The following DIP2B variants were observed in gnomAD, a reference collection of about 807,000 sequenced individuals.
DIP2B encodes the protein disco-interacting protein 2 homolog B.
DIP2B carries 76 observed loss-of-function variants against 198.0 expected under a neutral mutation model. That is an observed-to-expected ratio of 0.38 (90% CI 0.32 to 0.46). The LOEUF (loss-of-function observed/expected upper bound fraction) is 0.46. Ranked by LOEUF, DIP2B falls within the 20% of genes least tolerant of loss-of-function variation. The pLI is 0.99. For synonymous variants in DIP2B, 701 were observed against 739.1 expected (o/e 0.95, Z 0.84); for missense variants, 1,559 against 1,978.4 (o/e 0.79, Z 4.02).
intron 4 of DIP2B, among the ~76,000 whole-genome samples, chr12:50,665,534 G>A (rs12578322): frequency 1.3e-5 from 2 of 152,272 alleles, no homozygotes; most frequent in East Asian, 3.9e-4. Context: ...TTTCAGCCCA[G>A]GAGTTTGAGA....
intron 1 of DIP2B, among the ~76,000 whole-genome samples, chr12:50,519,270 C>A (rs1055435566): frequency 4.6e-5 from 7 of 151,920 alleles, no homozygotes; most frequent in Non-Finnish European, 8.8e-5. Context: ...TTTCTTATTT[C>A]TTAAAATTTT....
intron 1 of DIP2B, among the ~76,000 whole-genome samples, chr12:50,574,189 A>T (rs1958638374): frequency 6.6e-6 from 1 of 152,222 alleles, no homozygotes. Flanking sequence ...AAAATCTTGA[A>T]TTATCTTATT....
intron 1 of DIP2B, among the ~76,000 whole-genome samples, chr12:50,517,078 G>A (rs567297776): frequency 3.6e-4 from 54 of 151,944 alleles, no homozygotes; most frequent in South Asian, 3.3e-3. Flanking sequence ...CACCACGCCC[G>A]GCTAATTTTT....
At chr12:50,679,622 AG>A (rs1939003276) in intron 8 of DIP2B, 1 of 152,222 alleles carries the variant, frequency 6.6e-6, no homozygotes, top group Non-Finnish European at 1.5e-5. Flanking sequence ...AGAGTGGTTG[AG>A]GGAAGGGAGT....
In DIP2B at chr12:50,714,877, G is replaced by A. The variant is rs117420467; in HGVS notation, c.2851+281G>A. ...GATGGCTTGAGCCTGGGAGGTTGCA[G>A]TAAACCGAGATTGCGCCATTGCACT... On this transcript the variant is annotated intron_variant, in intron 23 of 37. Coordinates refer to ENST00000301180, the MANE Select transcript of DIP2B (RefSeq NM_173602.3). Among the ~76,000 whole-genome samples, 9 of 152,304 alleles carry A rather than the reference G, an allele frequency of 5.9e-5. No individual in the cohort carries two copies. The East Asian group carries it at 1.5e-3, about 26-fold the overall frequency.
At chr12:50,530,162 C>T (rs532487576) in intron 1 of DIP2B, among the ~76,000 whole-genome samples, 6 of 151,936 alleles carry the variant, frequency 3.9e-5, no homozygotes, top group Non-Finnish European at 8.8e-5. Context: ...CTGCAAGCTC[C>T]GCCTCCTGGG....
chr12:50,704,452 G>A (rs1232420676), intron 20 of DIP2B, among the ~76,000 whole-genome samples: 1 of 151,754 alleles, frequency 6.6e-6, no homozygotes, highest in Non-Finnish European at 1.5e-5. Flanking sequence ...TTTTTTCCCC[G>A]CTGAGATCAG....
intron 2 of DIP2B, among the ~76,000 whole-genome samples, chr12:50,632,979 A>G (rs928064477): frequency 6.6e-6 from 1 of 151,236 alleles, no homozygotes; most frequent in African/African-American, 2.4e-5. Flanking sequence ...GGATCTCGCT[A>G]TGTTGCTCAG....
Position 50,745,648 on chromosome 12 carries a change from C to T in DIP2B, c.*809C>T. The T allele has an allele frequency of 6.6e-6, 1 of 152,608 alleles. No individual in the cohort carries two copies. Among genetic ancestry groups the T allele is most frequent in the African/African-American group, 2.4e-5 (1 of 41,446 alleles). 9.5% of individuals were successfully genotyped at this position (152,608 alleles called of 1,614,324 possible). ...TTTTTAAAGCTCGCATTCCCAGAAT[C>T]AGCTTAGGCTTCTATGAATTCAGCC... is the stretch of plus-strand genomic sequence containing the variant. On this transcript the variant is annotated 3_prime_UTR_variant, in exon 38 of 38. Transcript: ENST00000301180.
At chr12:50,593,738 CTCCT>C (rs1958845717) in intron 1 of DIP2B, among the ~76,000 whole-genome samples, 1 of 3,562 alleles carries the variant, frequency 2.8e-4, no homozygotes, top group Non-Finnish European at 4.2e-4. Flanking sequence ...CTCCTCTCCT[CTCCT>C]CTCCCCTCCC....
intron 1 of DIP2B, among the ~76,000 whole-genome samples, chr12:50,614,262 C>T (rs1233397739): frequency 6.6e-6 from 1 of 152,134 alleles, no homozygotes; most frequent in Non-Finnish European, 1.5e-5. Context: ...GTGCACTCAT[C>T]TTCTCCTCTC....
At chr12:50,631,232 G>A (rs558320546) in intron 2 of DIP2B, among the ~76,000 whole-genome samples, 25 of 134,514 alleles carry the variant, frequency 1.9e-4, no homozygotes, top group East Asian at 2.4e-4. Context: ...GGGTTCAAGC[G>A]ATTTTTTTTT....
rs1477664803 is a variant in DIP2B at position 50,732,463 on chromosome 12, A to G, written c.3908A>G (p.Lys1303Arg). 3.1e-6 allele frequency: 5 copies of G among 1,614,122 alleles called. No homozygotes were observed. Among genetic ancestry groups the G allele is most frequent in the African/African-American group, 2.7e-5 (2 of 74,942 alleles). ...ALQQSFSKLFKDIGLSPRAVS... is the reference protein window; with the variant it reads ...ALQQSFSKLFRDIGLSPRAVS... ...CAGCAGTCCTTCTCTAAGCTCTTCA[A>G]AGACATCGGGCTGTCCCCGCGGGCT... The change falls in exon 32 of 38, where the codon AAA becomes AGA. Residue 1303 changes from lysine to arginine, a missense_variant. Transcript: ENST00000301180.
intron 1 of DIP2B, among the ~76,000 whole-genome samples, chr12:50,583,190 C>T (rs148343231): frequency 8.5e-5 from 13 of 152,248 alleles, no homozygotes; most frequent in African/African-American, 2.4e-4. Flanking sequence ...TTCCTCAAAC[C>T]CACACACATG....
intron 23 of DIP2B, among the ~76,000 whole-genome samples, chr12:50,715,015 A>G (rs1314055056): frequency 1.3e-5 from 2 of 152,240 alleles, no homozygotes; most frequent in Non-Finnish European, 2.9e-5. Context: ...TTTTGGAGCT[A>G]TTGTAGAAAG....
intron 31 of DIP2B, among the ~76,000 whole-genome samples, chr12:50,731,846 A>T (rs994236866): frequency 2.6e-5 from 4 of 152,180 alleles, no homozygotes; most frequent in African/African-American, 4.8e-5. Flanking sequence ...TTTTTTCCTA[A>T]TAGAATTTGA....
intron 1 of DIP2B, among the ~76,000 whole-genome samples, chr12:50,529,113 G>A (rs945668986): frequency 1.3e-5 from 2 of 152,152 alleles, no homozygotes; most frequent in Non-Finnish European, 2.9e-5. Flanking sequence ...TTTGGGGGAA[G>A]ATAGGATACT....
chr12:50,541,379 T>C (rs1958324206), intron 1 of DIP2B, among the ~76,000 whole-genome samples: 2 of 151,688 alleles, frequency 1.3e-5, no homozygotes, highest in East Asian at 1.9e-4. Context: ...CAAAAACTTT[T>C]GGAATCCAAG....
At chr12:50,697,321 A>T (rs541510650) in intron 17 of DIP2B, 146 bp downstream of exon 17, 197 of 681,768 alleles carry the variant, frequency 2.9e-4, no homozygotes, top group African/African-American at 2.7e-3. Context: ...CTCAAAGTGT[A>T]TGCAGTAAAC....
Sources: gnomAD v4.1 joint callset for allele counts (sites outside exome capture counted in the v4.1 genomes callset) on GRCh38, gnomAD v4.1.1 for gene constraint, MANE v1.5 for transcripts, NCBI Gene and HGNC (gene_info 2026-07-23, HGNC 2026-07-21) for gene names.